The following TFDP1 variants were observed in gnomAD, a reference collection of about 807,000 sequenced individuals.
TFDP1 encodes DRTF1-polypeptide 1.
TFDP1 carries 6 observed loss-of-function variants against 48.0 expected under a neutral mutation model. That is an observed-to-expected ratio of 0.13 (90% CI 0.07 to 0.25). TFDP1 has a LOEUF of 0.25. TFDP1 is among the 10% of genes least tolerant of loss of function. TFDP1 has a pLI of 1.00. For synonymous variants in TFDP1, 201 were observed against 211.6 expected (o/e 0.95, Z 0.44); for missense variants, 335 against 543.0 (o/e 0.62, Z 3.81).
At chr13:113,600,037 C>G (rs181559036) in intron 2 of TFDP1, among the ~76,000 whole-genome samples, 2 of 150,148 alleles carry the variant, frequency 1.3e-5, no homozygotes, top group South Asian at 4.2e-4. Context: ...GCTCCAGAAC[C>G]GTGAGAGAGA....
At chr13:113,609,479 C>T (rs1236878368) in intron 2 of TFDP1, among the ~76,000 whole-genome samples, 8 of 152,098 alleles carry the variant, frequency 5.3e-5, no homozygotes, top group Non-Finnish European at 2.9e-5. Context: ...TGCCGTGGTC[C>T]TCGGGCTTAC....
At chr13:113,615,424 A>G (rs926479570) in intron 3 of TFDP1, among the ~76,000 whole-genome samples, 4 of 151,974 alleles carry the variant, frequency 2.6e-5, no homozygotes, top group Non-Finnish European at 5.9e-5. Context: ...ACCTGGCCCC[A>G]TGGCTGCCTG....
Position 113,636,063 on chromosome 13 carries a change from C to T in TFDP1, c.774C>T (p.His258=). Residue 258 remains histidine (H), a synonymous_variant, in exon 9 of 12, where the codon CAC becomes CAT. Coordinates refer to ENST00000375370, the MANE Select transcript of TFDP1 (RefSeq NM_007111.5). The part of the protein sequence containing the change: ...SRPPPPNSVI[H]LPFIIVNTSK... ...CACCGCCACCCAACTCAGTCATCCA[C>T]CTGCCCTTCATCATCGTCAACACCA... 1.9e-6 allele frequency: 3 copies of T among 1,614,246 alleles called. No homozygotes were observed. The highest frequency in any genetic ancestry group is 2.5e-6 in the Non-Finnish European group (3 of 1,180,046).
At chr13:113,593,515 T>G (rs1410732990) in intron 2 of TFDP1, among the ~76,000 whole-genome samples, 1 of 115,464 alleles carries the variant, frequency 8.7e-6, no homozygotes, top group Non-Finnish European at 1.7e-5. Flanking sequence ...GTGCTGTGTG[T>G]GGGTCCTCAC....
At chr13:113,625,991 C>G (rs546742889) in intron 4 of TFDP1, among the ~76,000 whole-genome samples, 1 of 149,436 alleles carries the variant, frequency 6.7e-6, no homozygotes. Context: ...TCAGGTGTCT[C>G]TCACGTGTCC....
chr13:113,593,589 G>T (rs562536329), intron 2 of TFDP1, among the ~76,000 whole-genome samples: 140 of 142,126 alleles, frequency 9.9e-4, no homozygotes, highest in Non-Finnish European at 1.7e-3. Context: ...CAGGTGTGCT[G>T]TGTGTGGGTC....
At chr13:113,631,035 G>A (rs1472376413) in intron 4 of TFDP1, among the ~76,000 whole-genome samples, 1 of 152,220 alleles carries the variant, frequency 6.6e-6, no homozygotes, top group Non-Finnish European at 1.5e-5. Context: ...CCCCAGACAG[G>A]GCCCCAGGGC....
intron 3 of TFDP1, among the ~76,000 whole-genome samples, chr13:113,622,421 C>T (rs2049017995): frequency 6.6e-6 from 1 of 152,230 alleles, no homozygotes; most frequent in African/African-American, 2.4e-5. Context: ...GACGCCCCTC[C>T]CGGGCTGTGC....
At chr13:113,587,610 G>A (rs2048038118) in intron 2 of TFDP1, among the ~76,000 whole-genome samples, 1 of 148,158 alleles carries the variant, frequency 6.7e-6, no homozygotes, top group South Asian at 2.2e-4. Flanking sequence ...TCAGCCTCCC[G>A]AGAAGCTAGG....
intron 4 of TFDP1, among the ~76,000 whole-genome samples, chr13:113,629,870 G>C (rs558883425): frequency 6.6e-6 from 1 of 152,196 alleles, no homozygotes; most frequent in Non-Finnish European, 1.5e-5. Context: ...AGTGCCTTGC[G>C]TGGTCCTGGG....
At chr13:113,590,708 A>C (rs1296478626) in intron 2 of TFDP1, among the ~76,000 whole-genome samples, 1 of 152,118 alleles carries the variant, frequency 6.6e-6, no homozygotes. Flanking sequence ...GGGATATTAA[A>C]AATTAGAAAA....
intron 3 of TFDP1, among the ~76,000 whole-genome samples, chr13:113,615,870 C>T (rs2048844511): frequency 6.6e-6 from 1 of 152,046 alleles, no homozygotes; most frequent in Non-Finnish European, 1.5e-5. Flanking sequence ...TGTGATTGTG[C>T]CACTGCACTC....
chr13:113,633,857 T>C lies in TFDP1; in HGVS notation c.475-33T>C, dbSNP rs375236132. 38 of 1,580,730 alleles carry C rather than the reference T, an allele frequency of 2.4e-5. No homozygotes were observed. The highest frequency in any genetic ancestry group is 3.1e-5 in the Non-Finnish European group (36 of 1,163,312). Reference sequence around the variant, plus strand: ...TTAAGGATCCACCGGCCTTTTTGGATCATTTGGAAACTCCACTCCCTGTCA... The same window carrying C: ...TTAAGGATCCACCGGCCTTTTTGGACCATTTGGAAACTCCACTCCCTGTCA... On this transcript the variant is annotated intron_variant, in intron 6 of 11. Transcript: ENST00000375370. This position sits in a 1 kb window ranked among gnomAD's most constrained non-coding sequence, Gnocchi z 4.5.
intron 2 of TFDP1, among the ~76,000 whole-genome samples, chr13:113,587,739 C>G (rs1025035409): frequency 1.3e-5 from 2 of 152,122 alleles, no homozygotes; most frequent in African/African-American, 4.8e-5. Flanking sequence ...ACCCGCCTTA[C>G]AGGCGTGAGC....
chr13:113,624,571 C>T (rs565418967), intron 4 of TFDP1, among the ~76,000 whole-genome samples: 16 of 148,932 alleles, frequency 1.1e-4, no homozygotes, highest in African/African-American at 3.7e-4. Flanking sequence ...AGGTGTCTCT[C>T]AGGGTATCTC....
intron 3 of TFDP1, among the ~76,000 whole-genome samples, chr13:113,620,025 G>A (rs2048959713): frequency 6.6e-6 from 1 of 152,314 alleles, no homozygotes; most frequent in Non-Finnish European, 1.5e-5. Context: ...TCTTCCCTCT[G>A]TGTGTTTGTC....
chr13:113,632,643 T>C (rs2049367505), intron 5 of TFDP1, among the ~76,000 whole-genome samples: 1 of 152,162 alleles, frequency 6.6e-6, no homozygotes, highest in Non-Finnish European at 1.5e-5. Context: ...CCAGATGTGG[T>C]GGCACGTGCC....
chr13:113,621,223 G>T (rs1004313786), intron 3 of TFDP1, among the ~76,000 whole-genome samples: 1 of 152,226 alleles, frequency 6.6e-6, no homozygotes, highest in African/African-American at 2.4e-5. Flanking sequence ...GGCCGTCCGG[G>T]GAGGCCCAAG....
At position 113,640,389 on chromosome 13, in the gene TFDP1, T is replaced by A; in HGVS notation, c.*122T>A. On this transcript the variant is annotated 3_prime_UTR_variant, in exon 12 of 12. Transcript: ENST00000375370. ...AAGAAGATATTGGTAAGCTATTGAA[T>A]TTAGATATGCACCTCTGATAAGCAA... 1 of 1,458,834 alleles carries A rather than the reference T, an allele frequency of 6.9e-7. No homozygotes were observed. Among genetic ancestry groups the A allele is most frequent in the Non-Finnish European group, 9.1e-7 (1 of 1,098,892 alleles). 90.4% of individuals were successfully genotyped at this position (1,458,834 alleles called of 1,614,324 possible). A position where few individuals can be genotyped will look rare whatever the true frequency, so the allele number is the denominator to read the frequency against.
Sources: gnomAD v4.1 joint callset for allele counts (sites outside exome capture counted in the v4.1 genomes callset) on GRCh38, gnomAD v4.1.1 for gene constraint, Gnocchi (gnomAD v3.1) non-coding constraint, MANE v1.5 for transcripts, NCBI Gene and HGNC (gene_info 2026-07-23, HGNC 2026-07-21) for gene names.